The following ASIC2 variants were observed in gnomAD, a reference collection of about 807,000 sequenced individuals.
ASIC2 encodes the protein acid-sensing ion channel 2.
ASIC2 carries 25 observed loss-of-function variants against 57.3 expected under a neutral mutation model. The observed-to-expected ratio is 0.44, with a 90% CI of 0.32 to 0.61. The LOEUF (loss-of-function observed/expected upper bound fraction) is 0.61. Ranked by LOEUF, ASIC2 falls within the 20% of genes least tolerant of loss-of-function variation. The pLI is 0.06. For missense variants in ASIC2, 641 were observed against 738.1 expected (o/e 0.87, Z 1.52); for synonymous variants, 319 against 307.5 (o/e 1.04, Z -0.39).
At chr17:33,126,421 A>G (rs1489587692) in intron 1 of ASIC2, among the ~76,000 whole-genome samples, 1 of 152,224 alleles carries the variant, frequency 6.6e-6, no homozygotes, top group Non-Finnish European at 1.5e-5. Flanking sequence ...TCATGTGTCG[A>G]ATGGCCTGGC....
intron 3 of ASIC2, among the ~76,000 whole-genome samples, chr17:33,046,362 G>C (rs944027011): frequency 6.6e-6 from 1 of 152,248 alleles, no homozygotes; most frequent in Non-Finnish European, 1.5e-5. Context: ...TTGCTTAATG[G>C]GTTTTCTTAA....
At chr17:33,578,803 CA>C (rs1916739214) in intron 1 of ASIC2, among the ~76,000 whole-genome samples, 1 of 145,478 alleles carries the variant, frequency 6.9e-6, no homozygotes, top group African/African-American at 2.6e-5. Context: ...TTAGTCTAGT[CA>C]CAGTTCATAT....
intron 1 of ASIC2, among the ~76,000 whole-genome samples, chr17:33,963,769 G>A (rs1904995862): frequency 6.6e-6 from 1 of 152,138 alleles, no homozygotes. Context: ...TGAGTCTTTA[G>A]TTCATGGAGC....
intron 1 of ASIC2, among the ~76,000 whole-genome samples, chr17:33,379,554 C>T (rs1175206433): frequency 6.6e-6 from 1 of 152,184 alleles, no homozygotes; most frequent in East Asian, 1.9e-4. Context: ...TTTCGCTCTT[C>T]AAACCTCACA....
At chr17:34,090,354 T>TA (rs1181306317) in intron 1 of ASIC2, among the ~76,000 whole-genome samples, 12 of 152,126 alleles carry the variant, frequency 7.9e-5, no homozygotes, top group African/African-American at 2.9e-4. Context: ...TTTCCAAGGT[T>TA]ACTGAGTAAG....
intron 1 of ASIC2, among the ~76,000 whole-genome samples, chr17:33,299,602 C>G (rs965255061): frequency 2.6e-5 from 4 of 151,964 alleles, no homozygotes; most frequent in Admixed American, 6.6e-5. Flanking sequence ...TTTTTAGATG[C>G]ACCAAGTGGT....
chr17:33,041,913 C>T (rs2091931553), intron 3 of ASIC2, among the ~76,000 whole-genome samples: 1 of 152,144 alleles, frequency 6.6e-6, no homozygotes, highest in Admixed American at 6.6e-5. Flanking sequence ...GATCAGGTGG[C>T]CCTGTGAGGT....
At chr17:33,721,500 T>C (rs1451959900) in intron 1 of ASIC2, among the ~76,000 whole-genome samples, 1 of 152,206 alleles carries the variant, frequency 6.6e-6, no homozygotes, top group African/African-American at 2.4e-5. Context: ...GAAGGTGGCC[T>C]CATAAAATGA....
At chr17:33,390,208 G>C (rs908786357) in intron 1 of ASIC2, among the ~76,000 whole-genome samples, 2 of 151,990 alleles carry the variant, frequency 1.3e-5, no homozygotes, top group African/African-American at 4.8e-5. Flanking sequence ...AGCTACTCAG[G>C]AGGGTGAGGC....
intron 1 of ASIC2, among the ~76,000 whole-genome samples, chr17:33,808,923 A>G (rs972245769): frequency 1.3e-5 from 2 of 152,200 alleles, no homozygotes; most frequent in African/African-American, 4.8e-5. Flanking sequence ...CAGATTGTGA[A>G]TCAGTATTTT....
intron 1 of ASIC2, among the ~76,000 whole-genome samples, chr17:33,139,728 C>T (rs1303225857): frequency 6.6e-6 from 1 of 152,194 alleles, no homozygotes; most frequent in Non-Finnish European, 1.5e-5. Flanking sequence ...CCCAGACACC[C>T]CTATCATGGG....
intron 1 of ASIC2, among the ~76,000 whole-genome samples, chr17:34,149,000 G>A (rs1310799224): frequency 6.6e-6 from 1 of 151,986 alleles, no homozygotes; most frequent in East Asian, 1.9e-4. Flanking sequence ...CACAATACAT[G>A]GCTGAATAGG....
intron 1 of ASIC2, among the ~76,000 whole-genome samples, chr17:34,054,851 A>G (rs1444078543): frequency 6.6e-6 from 1 of 152,206 alleles, no homozygotes; most frequent in Admixed American, 6.5e-5. Context: ...GACATTATGC[A>G]TGCCTTCATA....
At chr17:33,581,015 A>G (rs1025396099) in intron 1 of ASIC2, 1 of 152,242 alleles carries the variant, frequency 6.6e-6, no homozygotes, top group African/African-American at 2.4e-5. Context: ...AGGCTGAGAT[A>G]CCACGTCCAT....
chr17:33,852,916 C>G (rs1913813563), intron 1 of ASIC2, among the ~76,000 whole-genome samples: 1 of 152,132 alleles, frequency 6.6e-6, no homozygotes, highest in African/African-American at 2.4e-5. Flanking sequence ...AATGCAGTAC[C>G]AACACAAGCA....
chr17:33,357,752 G>T (rs905650030), intron 1 of ASIC2, among the ~76,000 whole-genome samples: 6 of 152,204 alleles, frequency 3.9e-5, no homozygotes, highest in African/African-American at 1.4e-4. Context: ...AGAGTCATCT[G>T]TGAGTGGAAC....
intron 1 of ASIC2, among the ~76,000 whole-genome samples, chr17:33,308,822 T>C (rs1187412138): frequency 6.6e-6 from 1 of 151,588 alleles, no homozygotes; most frequent in Non-Finnish European, 1.5e-5. Context: ...AAGTGCCTTT[T>C]TTTGTGAAAA....
At chr17:33,614,480 A>G (rs1223851007) in intron 1 of ASIC2, among the ~76,000 whole-genome samples, 1 of 152,234 alleles carries the variant, frequency 6.6e-6, no homozygotes, top group Non-Finnish European at 1.5e-5. Context: ...TCAACAAAGC[A>G]ATTCAAATAC....
chr17:34,109,522 TA>T (rs199709633), intron 1 of ASIC2, among the ~76,000 whole-genome samples: 137 of 149,974 alleles, frequency 9.1e-4, no homozygotes, highest in African/African-American at 2.7e-3. Flanking sequence ...CTGATATGGG[TA>T]AAAAAAAAAT....
Sources: allele counts gnomAD v4.1 joint callset (sites outside exome capture counted in the v4.1 genomes callset), GRCh38; gene constraint gnomAD v4.1.1; transcripts MANE v1.5; gene names NCBI Gene and HGNC (gene_info 2026-07-23, HGNC 2026-07-21).